The following UGP2 variants were observed in gnomAD, a reference collection of about 807,000 sequenced individuals.
UGP2 encodes the protein UTP--glucose-1-phosphate uridylyltransferase.
A neutral mutation model predicts 49.0 loss-of-function variants in UGP2; 40 were observed. That is an observed-to-expected ratio of 0.82 (90% CI 0.63 to 1.06). The LOEUF (loss-of-function observed/expected upper bound fraction) is 1.06, where lower values mean the gene tolerates loss of function less well. Ranked by LOEUF, UGP2 falls within the 50% of genes least tolerant of loss-of-function variation. The probability of loss-of-function intolerance (pLI) is 0.00; values close to 1 mark genes in which losing one functional copy is unlikely to be tolerated. For synonymous variants in UGP2, 225 were observed against 213.0 expected (o/e 1.06, Z -0.49); for missense variants, 460 against 603.5 (o/e 0.76, Z 2.49).
At chr2:63,882,356 C>A in intron 3 of UGP2, 110 bp from the exon 4 acceptor site, 1 of 1,058,524 alleles carries the variant, frequency 9.4e-7, no homozygotes, top group Non-Finnish European at 1.3e-6. Context: ...TAAAACTTTC[C>A]ACAGAGAAAC....
In UGP2 at chr2:63,891,315, C is replaced by CTATGT; in HGVS notation, c.*91_*95dup. ...GATTCTAAAATAGGCAGGTACTTTA[C>CTATGT]TATGTTACTGTACCCTGCAGTGTTG... On this transcript the variant is annotated 3_prime_UTR_variant, in exon 10 of 10. Transcript: ENST00000337130. 8.9e-6 allele frequency: 10 copies of CTATGT among 1,121,764 alleles called. No homozygotes were observed. In the South Asian group the frequency reaches 1.4e-4, roughly 16 times the overall value. The allele number at this position is 1,121,764 out of a possible 1,614,324, so 69.5% of individuals were successfully genotyped here.
chr2:63,880,866 T>A lies in UGP2; in HGVS notation c.256-1600T>A, dbSNP rs993644852. Among the ~76,000 whole-genome samples the A allele has an allele frequency of 1.5e-4, 23 of 152,322 alleles. 1 individual carries two copies. Among genetic ancestry groups the A allele is most frequent in the African/African-American group, 5.5e-4 (23 of 41,562 alleles). On this transcript the variant is annotated intron_variant, in intron 3 of 9. Transcript: ENST00000337130. ...TCCTTGTCATTTCACATCCCAATAT[T>A]TATGTAGCACCCCCTGGAGTGCCCA...
intron 3 of UGP2, chr2:63,859,349 G>C (rs1056267458): frequency 2.0e-5 from 3 of 152,046 alleles, no homozygotes; most frequent in African/African-American, 7.3e-5. Context: ...GTTTTCTACT[G>C]TACAAACTTA....
chr2:63,842,113 A>AGAG lies in UGP2; in HGVS notation c.-72_-70dup. 6.5e-7 allele frequency: 1 copy of AGAG among 1,530,552 alleles called. No individual in the cohort carries two copies. Among genetic ancestry groups the AGAG allele is most frequent in the Non-Finnish European group, 8.7e-7 (1 of 1,145,750 alleles). The allele number at this position is 1,530,552 out of a possible 1,614,324, so 94.8% of individuals were successfully genotyped here. The stretch of plus-strand genomic sequence containing the variant: ...TCGGTTGTTAAAGCAGGAGAGGAAG[A>AGAG]GAGACCTGCCCTGTAGCGTGACTCC... On this transcript the variant is annotated 5_prime_UTR_variant, in exon 1 of 10. Transcript: ENST00000337130.
chr2:63,874,470 C>T (rs1043102458), intron 3 of UGP2, among the ~76,000 whole-genome samples: 2 of 151,972 alleles, frequency 1.3e-5, no homozygotes, highest in African/African-American at 4.8e-5. Flanking sequence ...AAGCTGACTG[C>T]GTAGAAGAGG....
rs141698097 is a variant in UGP2 at position 63,890,223 on chromosome 2, T to G, written c.1419+38T>G. 6.7e-4 allele frequency: 972 copies of G among 1,457,948 alleles called. 1 individual carries two copies. The highest frequency in any genetic ancestry group is 8.5e-4 in the Non-Finnish European group (889 of 1,051,678). 90.3% of individuals were successfully genotyped at this position (1,457,948 alleles called of 1,614,324 possible). ...AATGAAAATTATATTTCTTACAGCT[T>G]ACAATATAGGTCTCATTTTCTAGTC... On this transcript the variant is annotated intron_variant, in intron 9 of 9. Coordinates refer to ENST00000337130, the MANE Select transcript of UGP2 (RefSeq NM_006759.4).
At chr2:63,846,342 C>T (rs751061612) in intron 1 of UGP2, among the ~76,000 whole-genome samples, 2 of 152,054 alleles carry the variant, frequency 1.3e-5, no homozygotes, top group African/African-American at 2.4e-5. Flanking sequence ...GGTAATCACT[C>T]TAAATGTTTT....
intron 3 of UGP2, among the ~76,000 whole-genome samples, chr2:63,874,035 C>G (rs1370125316): frequency 6.6e-6 from 1 of 152,174 alleles, no homozygotes; most frequent in Admixed American, 6.5e-5. Flanking sequence ...ACAGAGACTT[C>G]CTGGAAATCT....
In UGP2 at chr2:63,885,712, T is replaced by A. The variant is rs1301413553; in HGVS notation, c.699T>A (p.Ser233=). The A allele has an allele frequency of 6.2e-7, 1 of 1,613,922 alleles. No homozygotes were observed. Among genetic ancestry groups the A allele is most frequent in the East Asian group, 2.2e-5 (1 of 44,868 alleles). The part of the protein sequence containing the change: ...HGDIYASFYN[S]GLLDTFIGEG... ...ATATTTACGCCAGTTTCTACAACTC[T>A]GGATTGCTTGATACCTTTATAGGAG... The change falls in exon 6 of 10, where the codon TCT becomes TCA. Residue 233 remains serine (S), a synonymous_variant. Coordinates refer to ENST00000337130, the MANE Select transcript of UGP2 (RefSeq NM_006759.4).
intron 3 of UGP2, 68 bp downstream of exon 3, chr2:63,858,004 T>C: frequency 6.8e-7 from 1 of 1,467,910 alleles, no homozygotes; most frequent in East Asian, 2.3e-5. Context: ...TTAGGACGGT[T>C]GGGTAGTGTA....
intron 3 of UGP2, among the ~76,000 whole-genome samples, chr2:63,874,888 G>A (rs1199572708): frequency 6.6e-6 from 1 of 151,922 alleles, no homozygotes; most frequent in African/African-American, 2.4e-5. Flanking sequence ...TTCCGGAGGT[G>A]CTCACCAGAA....
intron 3 of UGP2, among the ~76,000 whole-genome samples, chr2:63,863,657 A>G (rs1669995473): frequency 6.6e-6 from 1 of 152,246 alleles, no homozygotes; most frequent in Non-Finnish European, 1.5e-5. Flanking sequence ...TTGCAAAGAT[A>G]CACTATTTTT....
intron 1 of UGP2, among the ~76,000 whole-genome samples, chr2:63,851,359 T>C (rs1290162444): frequency 6.6e-6 from 1 of 152,158 alleles, no homozygotes; most frequent in African/African-American, 2.4e-5. Context: ...AACTAAAGAA[T>C]TGGGGTTTTG....
chr2:63,855,262 A>T (rs67366434), intron 1 of UGP2, among the ~76,000 whole-genome samples: 26,851 of 152,176 alleles, frequency 0.18, 3,157 homozygotes, highest in Non-Finnish European at 0.24. Flanking sequence ...AGCCTTACTG[A>T]AATGTGATTC....
intron 3 of UGP2, among the ~76,000 whole-genome samples, chr2:63,879,039 T>G (rs1019388197): frequency 1.3e-5 from 2 of 152,180 alleles, no homozygotes; most frequent in African/African-American, 4.8e-5. Context: ...TAGTACTTTT[T>G]CTTGATGACT....
At chr2:63,854,101 G>T (rs1669224298) in intron 1 of UGP2, among the ~76,000 whole-genome samples, 1 of 152,202 alleles carries the variant, frequency 6.6e-6, no homozygotes, top group Non-Finnish European at 1.5e-5. Context: ...CACTGTGGTG[G>T]AATGGGACTA....
intron 3 of UGP2, 88 bp from the exon 4 acceptor site, chr2:63,882,378 G>A: frequency 8.2e-7 from 1 of 1,217,372 alleles, no homozygotes; most frequent in African/African-American, 1.5e-5. Context: ...GAAACTTTAT[G>A]GAAGCATGGA....
At chr2:63,879,827 T>A (rs569202887) in intron 3 of UGP2, among the ~76,000 whole-genome samples, 3 of 152,274 alleles carry the variant, frequency 2.0e-5, no homozygotes, top group African/African-American at 7.2e-5. Flanking sequence ...TGTGGAAAAT[T>A]GCTGCTGTGT....
At position 63,880,198 on chromosome 2, in the gene UGP2, C is replaced by T. The variant is rs184381801; in HGVS notation, c.256-2268C>T. Among the ~76,000 whole-genome samples, 56 of 143,280 alleles carry T rather than the reference C, an allele frequency of 3.9e-4. 1 individual carries two copies. In the Admixed American group the frequency reaches 4.0e-3, roughly 10 times the overall value. 94.0% of individuals were successfully genotyped at this position (143,280 alleles called of 152,430 possible). On this transcript the variant is annotated intron_variant, in intron 3 of 9. Transcript: ENST00000337130. ...ACCCCTCCCCCCTCCTCCCTCTCCT[C>T]TTTCTGACAGGTTCTCATTCTGTGG...
Sources: gnomAD v4.1 joint callset for allele counts (sites outside exome capture counted in the v4.1 genomes callset) on GRCh38, gnomAD v4.1.1 for gene constraint, MANE v1.5 for transcripts, NCBI Gene and HGNC (gene_info 2026-07-23, HGNC 2026-07-21) for gene names.